The following ODF4 variants were observed in gnomAD, a reference collection of about 807,000 sequenced individuals.
ODF4 encodes the protein outer dense fiber of sperm tails 4.
A neutral mutation model predicts 17.0 loss-of-function variants in ODF4; 11 were observed. The ratio of observed to expected loss-of-function variants is 0.65; its 90% CI spans 0.41 to 1.07. The LOEUF (loss-of-function observed/expected upper bound fraction) is 1.07. Among genes scored for constraint, ODF4 ranks in the 50% least tolerant of loss-of-function variants. The pLI, the probability that ODF4 is intolerant of heterozygous loss-of-function variation, is 0.00. For missense variants in ODF4, 281 were observed against 310.2 expected, an observed-to-expected ratio of 0.91 and a Z score of 0.71; for synonymous variants, 127 against 121.8, an observed-to-expected ratio of 1.04 and a Z score of -0.28.
intron 1 of ODF4, among the ~76,000 whole-genome samples, chr17:8,341,616 T>G (rs1419876376): frequency 6.6e-6 from 1 of 152,146 alleles, no homozygotes; most frequent in Non-Finnish European, 1.5e-5. Flanking sequence ...TGCTTTAACT[T>G]CCGGAGAAGC....
Position 8,340,331 on chromosome 17 carries a change from C to T in ODF4, c.280C>T (p.Leu94=). ...TGAGCTCAGCCTGGTTGCCTTTATC[C>T]TACTATTGGTCGTGGCCTTCTCCAA... ...ASELSLVAFI[L]LLVVAFSKKW... Residue 94 remains leucine (L), a synonymous_variant, in exon 1 of 3, where the codon CTA becomes TTA. Coordinates refer to ENST00000328248, the MANE Select transcript of ODF4 (RefSeq NM_153007.5). 6.2e-7 allele frequency: 1 copy of T among 1,613,110 alleles called. No individual in the cohort carries two copies. Among genetic ancestry groups the T allele is most frequent in the Non-Finnish European group, 8.5e-7 (1 of 1,179,572 alleles).
In ODF4 at chr17:8,345,669, G is replaced by A. The variant is rs777173403; in HGVS notation, c.591G>A (p.Ala197=). 1.9e-6 allele frequency: 3 copies of A among 1,613,728 alleles called. No homozygotes were observed. Among genetic ancestry groups the A allele is most frequent in the Admixed American group, 3.3e-5 (2 of 59,988 alleles). Residue 197 remains alanine (A), a splice_region_variant and synonymous_variant, in exon 3 of 3, where the codon GCG becomes GCA. Transcript: ENST00000328248. This position sits in a 1 kb window ranked among gnomAD's most constrained non-coding sequence, Gnocchi z 4.1. The part of the protein sequence containing the change: ...WLVLILYFTC[A]ILCYFNHKSF... Reference sequence around the variant, plus strand: ...TCCCCTGTCCCTGTCCTTTCCCAGCGATCCTTTGCTACTTCAACCATAAAA... The same window carrying A: ...TCCCCTGTCCCTGTCCTTTCCCAGCAATCCTTTGCTACTTCAACCATAAAA...
Position 8,343,294 on chromosome 17 carries a change from G to A in ODF4, c.455-2049G>A, listed in dbSNP as rs911793459. 6.0e-5 allele frequency among the ~76,000 whole-genome samples: 9 copies of A among 150,522 alleles called. 1 individual carries two copies. Among genetic ancestry groups the A allele is most frequent in the Middle Eastern group, 6.8e-3 (2 of 292 alleles). On this transcript the variant is annotated intron_variant, in intron 1 of 2. Transcript: ENST00000328248. ...CTACAGACAGGTGCCACTACACCTG[G>A]CTAATTTTTGTATTTTTAGTAGAGA...
chr17:8,345,544 G>A lies in ODF4; in HGVS notation c.589+67G>A. The A allele has an allele frequency of 6.3e-7, 1 of 1,577,984 alleles. No individual in the cohort carries two copies. Among genetic ancestry groups the A allele is most frequent in the Non-Finnish European group, 8.7e-7 (1 of 1,153,586 alleles). On this transcript the variant is annotated intron_variant, in intron 2 of 2. Coordinates refer to ENST00000328248, the MANE Select transcript of ODF4 (RefSeq NM_153007.5). This position sits in a 1 kb window ranked among gnomAD's most constrained non-coding sequence, Gnocchi z 4.1. The stretch of plus-strand genomic sequence containing the variant: ...TAGGGTAGGGCAGGGAAAGTGTGGA[G>A]GGAAGAGGCTGGCAATCCCCAGGGC...
At position 8,340,078 on chromosome 17, in the gene ODF4, G is replaced by A. The variant is rs143197505; in HGVS notation, c.27G>A (p.Glu9=). The change falls in exon 1 of 3, where the codon GAG becomes GAA. Residue 9 remains glutamate, a synonymous_variant. Transcript: ENST00000328248. The part of the protein sequence containing the change: MDAEYSGN[E]FPRSEGERDQ... ...TGGATGCAGAGTACTCTGGGAATGA[G>A]TTCCCCAGGTCAGAAGGAGAAAGAG... is the stretch of plus-strand genomic sequence containing the variant. 6.6e-7 allele frequency: 1 copy of A among 1,524,364 alleles called. No homozygotes were observed. The highest frequency in any genetic ancestry group is 1.4e-5 in the African/African-American group (1 of 71,844). The allele number at this position is 1,524,364 out of a possible 1,614,324, so 94.4% of individuals were successfully genotyped here. A position where few individuals can be genotyped will look rare whatever the true frequency, so the allele number is the denominator to read the frequency against.
chr17:8,344,531 GCT>G lies in ODF4; in HGVS notation c.455-809_455-808del, dbSNP rs1434929125. Among the ~76,000 whole-genome samples the G allele has an allele frequency of 1.0e-4, 13 of 125,886 alleles. 4 individuals are homozygous for G. Among genetic ancestry groups the G allele is most frequent in the African/African-American group, 4.3e-4 (13 of 30,180 alleles). The allele number at this position is 125,886 out of a possible 152,430, so 82.6% of individuals were successfully genotyped here. Reference sequence around the variant, plus strand: ...TTTTGTTTTTTGCAGGCGGCGTCTCGCTCTGTTGCCCAGGCTGGAGTGCAGTG... The same window carrying G: ...TTTTGTTTTTTGCAGGCGGCGTCTCGCTGTTGCCCAGGCTGGAGTGCAGTG... On this transcript the variant is annotated intron_variant, in intron 1 of 2. Transcript: ENST00000328248.
intron 1 of ODF4, among the ~76,000 whole-genome samples, chr17:8,341,520 G>T (rs1182504004): frequency 6.6e-6 from 1 of 151,960 alleles, no homozygotes; most frequent in African/African-American, 2.4e-5. Context: ...TTAGAGACAA[G>T]GTCTCACTCT....
Position 8,345,766 on chromosome 17 carries a change from G to C in ODF4, c.688G>C (p.Glu230Gln). The part of the protein sequence containing the change: ...SCSSSFGSVE[E>Q]SPRAQTITDT... ...CAGCAGCAGTTTCGGCTCAGTAGAA[G>C]AATCTCCAAGGGCACAGACGATCAC... The change falls in exon 3 of 3, where the codon GAA becomes CAA. Residue 230 changes from glutamate to glutamine, a missense_variant. Physicochemically the swap from Glu to Gln is conservative, Grantham distance 29. Transcript: ENST00000328248. The surrounding 1 kb of genome is among the most constrained non-coding windows in gnomAD (Gnocchi z 4.1). 6.2e-7 allele frequency: 1 copy of C among 1,614,130 alleles called. No individual in the cohort carries two copies. Among genetic ancestry groups the C allele is most frequent in the Non-Finnish European group, 8.5e-7 (1 of 1,180,020 alleles).
Position 8,345,634 on chromosome 17 carries a change from A to C in ODF4, c.590-34A>C, listed in dbSNP as rs775431812. ...ACTTGTCACTTAACCTCCCAGTCAC[A>C]ACTTTCCTCTCCCCTGTCCCTGTCC... On this transcript the variant is annotated intron_variant, in intron 2 of 2. Coordinates refer to ENST00000328248, the MANE Select transcript of ODF4 (RefSeq NM_153007.5). The surrounding 1 kb of genome is among the most constrained non-coding windows in gnomAD (Gnocchi z 4.1). 2 of 1,599,124 alleles carry C rather than the reference A, an allele frequency of 1.3e-6. No individual in the cohort carries two copies. Among genetic ancestry groups the C allele is most frequent in the Admixed American group, 3.3e-5 (2 of 59,736 alleles).
chr17:8,345,026 C>T lies in ODF4; in HGVS notation c.455-317C>T. The T allele has an allele frequency of 2.7e-6, 3 of 1,096,780 alleles. No homozygotes were observed. The highest frequency in any genetic ancestry group is 3.3e-6 in the Non-Finnish European group (3 of 898,870). 67.9% of individuals were successfully genotyped at this position (1,096,780 alleles called of 1,614,324 possible). A position where few individuals can be genotyped will look rare whatever the true frequency, so the allele number is the denominator to read the frequency against. On this transcript the variant is annotated intron_variant, in intron 1 of 2. Coordinates refer to ENST00000328248, the MANE Select transcript of ODF4 (RefSeq NM_153007.5). The surrounding 1 kb of genome is among the most constrained non-coding windows in gnomAD (Gnocchi z 4.1). ...TGCCCTTTGTGGGCTTCGGGACCAT[C>T]TTGAGCTTCTGTGAAGGTGCCTCCT...
chr17:8,345,955 T>TGA lies in ODF4; in HGVS notation c.*106_*107dup, dbSNP rs1482907347. Reference sequence around the variant, plus strand: ...GGTTGGTCCTCATCATTGCAAGGAATGAGAAAGGGAGGATTTTGCACTCCT... The same window carrying TGA: ...GGTTGGTCCTCATCATTGCAAGGAATGAGAGAAAGGGAGGATTTTGCACTCCT... On this transcript the variant is annotated 3_prime_UTR_variant, in exon 3 of 3. Coordinates refer to ENST00000328248, the MANE Select transcript of ODF4 (RefSeq NM_153007.5). This position sits in a 1 kb window ranked among gnomAD's most constrained non-coding sequence, Gnocchi z 4.1. The TGA allele has an allele frequency of 3.3e-6, 3 of 918,392 alleles. No homozygotes were observed. The East Asian group carries it at 7.4e-5, about 23-fold the overall frequency. 56.9% of individuals were successfully genotyped at this position (918,392 alleles called of 1,614,324 possible). A position where few individuals can be genotyped will look rare whatever the true frequency, so the allele number is the denominator to read the frequency against.
intron 1 of ODF4, among the ~76,000 whole-genome samples, chr17:8,341,112 C>G (rs1237993135): frequency 2.0e-5 from 3 of 151,986 alleles, no homozygotes; most frequent in Non-Finnish European, 2.9e-5. Context: ...ATTGCTTGAA[C>G]CCGGGAGGTG....
In ODF4 at chr17:8,344,098, T is replaced by C. The variant is rs1343647867; in HGVS notation, c.455-1245T>C. Among the ~76,000 whole-genome samples the C allele has an allele frequency of 6.3e-5, 8 of 126,014 alleles. 3 individuals are homozygous for C. The highest frequency in any genetic ancestry group is 2.7e-4 in the African/African-American group (8 of 30,118). The allele number at this position is 126,014 out of a possible 152,430, so 82.7% of individuals were successfully genotyped here. On this transcript the variant is annotated intron_variant, in intron 1 of 2. Coordinates refer to ENST00000328248, the MANE Select transcript of ODF4 (RefSeq NM_153007.5). Reference sequence around the variant, plus strand: ...GCCACTGCACCCGACACCAATTGTATATTTTTAAAGAGACAGGGCCTCCCT... The same window carrying C: ...GCCACTGCACCCGACACCAATTGTACATTTTTAAAGAGACAGGGCCTCCCT...
Position 8,345,860 on chromosome 17 carries a change from T to C in ODF4, c.*8T>C. 2 of 1,611,504 alleles carry C rather than the reference T, an allele frequency of 1.2e-6. No homozygotes were observed. ...AAGGATACACATGTGTAATCTTTTC[T>C]GAACTCCTGGCACCAAGTTCTGTCC... On this transcript the variant is annotated 3_prime_UTR_variant, in exon 3 of 3. Coordinates refer to ENST00000328248, the MANE Select transcript of ODF4 (RefSeq NM_153007.5). This position sits in a 1 kb window ranked among gnomAD's most constrained non-coding sequence, Gnocchi z 4.1.
At position 8,345,613 on chromosome 17, in the gene ODF4, G is replaced by C; in HGVS notation, c.590-55G>C. The C allele has an allele frequency of 6.4e-7, 1 of 1,559,816 alleles. No individual in the cohort carries two copies. Among genetic ancestry groups the C allele is most frequent in the South Asian group, 1.1e-5 (1 of 88,046 alleles). Reference sequence around the variant, plus strand: ...TCTTCCCTTTGGTCTCACCCTACTTGTCACTTAACCTCCCAGTCACAACTT... The same window carrying C: ...TCTTCCCTTTGGTCTCACCCTACTTCTCACTTAACCTCCCAGTCACAACTT... On this transcript the variant is annotated intron_variant, in intron 2 of 2. Coordinates refer to ENST00000328248, the MANE Select transcript of ODF4 (RefSeq NM_153007.5). The surrounding 1 kb of genome is among the most constrained non-coding windows in gnomAD (Gnocchi z 4.1).
At chr17:8,341,441 C>T (rs1906013486) in intron 1 of ODF4, among the ~76,000 whole-genome samples, 1 of 152,138 alleles carries the variant, frequency 6.6e-6, no homozygotes, top group Admixed American at 6.6e-5. Context: ...TGTGTTCCTT[C>T]TTTCCCTGAA....
In ODF4 at chr17:8,345,447, T is replaced by G; in HGVS notation, c.559T>G (p.Trp187Gly). 1 of 1,614,158 alleles carries G rather than the reference T, an allele frequency of 6.2e-7. No individual in the cohort carries two copies. The highest frequency in any genetic ancestry group is 8.5e-7 in the Non-Finnish European group (1 of 1,179,984). Residue 187 changes from tryptophan (W) to glycine (G), a missense_variant, in exon 2 of 3, where the codon TGG becomes GGG. Coordinates refer to ENST00000328248, the MANE Select transcript of ODF4 (RefSeq NM_153007.5). The surrounding 1 kb of genome is among the most constrained non-coding windows in gnomAD (Gnocchi z 4.1). ...CATAGGCTGGAGCTATTTCATTGGT[T>G]GGCTGGTGCTTATCCTATACTTCAC... Reference protein sequence around the residue: ...IPIGWSYFIGWLVLILYFTCA... With the variant: ...IPIGWSYFIGGLVLILYFTCA...
chr17:8,343,036 C>T (rs1906089382), intron 1 of ODF4, among the ~76,000 whole-genome samples: 1 of 152,016 alleles, frequency 6.6e-6, no homozygotes, highest in Admixed American at 6.6e-5. Context: ...CCCAGTCTAT[C>T]ACCTATCACC....
intron 1 of ODF4, 55 bp downstream of exon 1, chr17:8,340,560 G>C: frequency 9.8e-7 from 1 of 1,022,866 alleles, no homozygotes; most frequent in Non-Finnish European, 1.5e-6. Flanking sequence ...CTTGGCCTCT[G>C]TATCTGCACC....
Sources: allele counts gnomAD v4.1 joint callset (sites outside exome capture counted in the v4.1 genomes callset), GRCh38; gene constraint gnomAD v4.1.1; non-coding constraint Gnocchi (gnomAD v3.1); transcripts MANE v1.5; gene names NCBI Gene and HGNC (gene_info 2026-07-23, HGNC 2026-07-21).